NAALADL2: variants seen among roughly 807,000 people sequenced by gnomAD.
NAALADL2 encodes the protein N-acetylated alpha-linked acidic dipeptidase like 2.
A neutral mutation model predicts 87.2 loss-of-function variants in NAALADL2; 76 were observed. The ratio of observed to expected loss-of-function variants is 0.87; its 90% CI spans 0.72 to 1.05. The LOEUF is 1.05. NAALADL2 is among the 50% of genes least tolerant of loss of function. NAALADL2 has a pLI of 0.00. For synonymous variants in NAALADL2, 354 were observed against 331.0 expected, an observed-to-expected ratio of 1.07 and a Z score of -0.75; for missense variants, 1,089 against 945.8, an observed-to-expected ratio of 1.15 and a Z score of -1.99.
intron 11 of NAALADL2, among the ~76,000 whole-genome samples, chr3:175,628,068 C>G (rs1247062408): frequency 6.6e-6 from 1 of 151,704 alleles, no homozygotes; most frequent in Non-Finnish European, 1.5e-5. Flanking sequence ...AGATGTCCCC[C>G]AACTTGTAAT....
intron 2 of NAALADL2, among the ~76,000 whole-genome samples, chr3:175,146,241 T>G (rs905598582): frequency 9.2e-5 from 14 of 152,108 alleles, no homozygotes; most frequent in Admixed American, 6.6e-5. Context: ...TCAAAATTTA[T>G]TTTAGGTAAC....
At chr3:174,597,882 T>C (rs1368463698) in intron 2 of NAALADL2, among the ~76,000 whole-genome samples, 1 of 152,224 alleles carries the variant, frequency 6.6e-6, no homozygotes, top group Non-Finnish European at 1.5e-5. Context: ...ATCAGACACA[T>C]TTGATCTTTC....
intron 9 of NAALADL2, among the ~76,000 whole-genome samples, chr3:175,519,597 G>A (rs1732346445): frequency 6.6e-6 from 1 of 152,092 alleles, no homozygotes; most frequent in African/African-American, 2.4e-5. Flanking sequence ...ACATTATGGA[G>A]GTGTCCATTA....
chr3:175,216,668 CTTT>C (rs3067029), intron 2 of NAALADL2, among the ~76,000 whole-genome samples: 17 of 87,314 alleles, frequency 1.9e-4, no homozygotes, highest in East Asian at 1.9e-3. Flanking sequence ...TTTTTCTTTT[CTTT>C]TTTTTTTTTT....
intron 1 of NAALADL2, among the ~76,000 whole-genome samples, chr3:174,548,055 T>G (rs930919978): frequency 5.3e-5 from 8 of 152,170 alleles, no homozygotes; most frequent in African/African-American, 1.9e-4. Context: ...ATCAACAGCT[T>G]TTAAAAAGTT....
rs534513600 is a variant in NAALADL2 at position 174,848,009 on chromosome 3, T to C, written c.-9+110263T>C. On this transcript the variant is annotated intron_variant, in intron 3 of 3. Coordinates refer to the NAALADL2 transcript ENST00000434257. ...AGTATTCTAACTCTTTTCTCTCTCT[T>C]TTTTTTTTTTTACTTCTTTGCTCCT... Among the ~76,000 whole-genome samples the C allele has an allele frequency of 3.9e-3, 586 of 149,128 alleles. 1 individual carries two copies. Among genetic ancestry groups the C allele is most frequent in the Non-Finnish European group, 6.9e-3 (458 of 66,824 alleles).
chr3:175,736,668 A>AAG (rs1744544572), intron 11 of NAALADL2, among the ~76,000 whole-genome samples: 1 of 152,256 alleles, frequency 6.6e-6, no homozygotes, highest in South Asian at 2.1e-4. Context: ...CTGATTCTGA[A>AAG]ACAAATCAGC....
intron 1 of NAALADL2, among the ~76,000 whole-genome samples, chr3:175,043,564 T>C (rs1200320379): frequency 6.6e-6 from 1 of 152,158 alleles, no homozygotes; most frequent in Non-Finnish European, 1.5e-5. Flanking sequence ...CTATTTTAAG[T>C]TGATTAAGGA....
intron 1 of NAALADL2, among the ~76,000 whole-genome samples, chr3:174,975,461 T>C (rs1018434942): frequency 6.6e-6 from 1 of 152,174 alleles, no homozygotes; most frequent in African/African-American, 2.4e-5. Flanking sequence ...GCATACCTTG[T>C]ATAGGTTGAT....
At chr3:174,728,917 A>T (rs551131462) in intron 2 of NAALADL2, among the ~76,000 whole-genome samples, 20 of 152,220 alleles carry the variant, frequency 1.3e-4, no homozygotes, top group Non-Finnish European at 2.6e-4. Flanking sequence ...CTAATAACTC[A>T]TTGGACCGCC....
intron 1 of NAALADL2, among the ~76,000 whole-genome samples, chr3:174,997,116 G>A (rs978698585): frequency 2.0e-5 from 3 of 149,512 alleles, no homozygotes; most frequent in Non-Finnish European, 4.4e-5. Flanking sequence ...TCATAGCTTT[G>A]CAATTGAGAA....
At chr3:175,122,609 A>G (rs2108574006) in intron 2 of NAALADL2, among the ~76,000 whole-genome samples, 1 of 151,740 alleles carries the variant, frequency 6.6e-6, no homozygotes, top group African/African-American at 2.4e-5. Context: ...TTAGGTTATA[A>G]ATTGGGGGTT....
At chr3:174,617,989 A>G (rs1720630360) in intron 2 of NAALADL2, among the ~76,000 whole-genome samples, 1 of 151,816 alleles carries the variant, frequency 6.6e-6, no homozygotes, top group African/African-American at 2.4e-5. Flanking sequence ...AGAAGAGGAC[A>G]GCATCTTAAA....
intron 3 of NAALADL2, among the ~76,000 whole-genome samples, chr3:174,850,507 CTG>C (rs1160188720): frequency 6.6e-6 from 1 of 152,038 alleles, no homozygotes; most frequent in Non-Finnish European, 1.5e-5. Context: ...AAGACAAAAA[CTG>C]TAAAAAGAGA....
At chr3:175,429,070 A>C (rs1717292870) in intron 5 of NAALADL2, among the ~76,000 whole-genome samples, 1 of 151,824 alleles carries the variant, frequency 6.6e-6, no homozygotes, top group Admixed American at 6.6e-5. Flanking sequence ...TGCAGGGAGT[A>C]AACAAGACTC....
chr3:175,752,206 T>C (rs1191616361), intron 12 of NAALADL2, among the ~76,000 whole-genome samples: 3 of 152,094 alleles, frequency 2.0e-5, no homozygotes, highest in African/African-American at 7.2e-5. Context: ...TTACATAGGG[T>C]TCTTTCCAAT....
intron 3 of NAALADL2, among the ~76,000 whole-genome samples, chr3:174,843,836 G>A (rs1191177899): frequency 6.6e-6 from 1 of 152,010 alleles, no homozygotes; most frequent in Non-Finnish European, 1.5e-5. Flanking sequence ...CTTTTGAAAA[G>A]TGACTATTAA....
chr3:174,499,324 A>G (rs1380291646), intron 1 of NAALADL2, among the ~76,000 whole-genome samples: 1 of 152,054 alleles, frequency 6.6e-6, no homozygotes, highest in Non-Finnish European at 1.5e-5. Flanking sequence ...TTTTGGATAC[A>G]AGTTATCAGA....
rs1013795745 is a variant in NAALADL2 at position 175,716,100 on chromosome 3, A to G, written c.1897-21206A>G. On this transcript the variant is annotated intron_variant, in intron 11 of 13. Transcript: ENST00000454872. The stretch of plus-strand genomic sequence containing the variant: ...ATATGTTACATATATCATATGTAAT[A>G]TTATATATGATATATGTAATTTATT... Among the ~76,000 whole-genome samples the G allele has an allele frequency of 1.3e-4, 19 of 148,094 alleles. No individual in the cohort carries two copies. In the East Asian group the frequency reaches 2.0e-3, roughly 15 times the overall value.
Sources: allele counts gnomAD v4.1 joint callset (sites outside exome capture counted in the v4.1 genomes callset), GRCh38; gene constraint gnomAD v4.1.1; transcripts MANE v1.5; gene names NCBI Gene and HGNC (gene_info 2026-07-23, HGNC 2026-07-21).